The following ADGRV1 variants were observed in gnomAD, a reference collection of about 807,000 sequenced individuals.
The protein encoded by ADGRV1 is G-protein coupled receptor 98.
ADGRV1 carries 359 observed loss-of-function variants against 596.2 expected under a neutral mutation model. The ratio of observed to expected loss-of-function variants is 0.60; its 90% CI spans 0.55 to 0.66. The LOEUF (loss-of-function observed/expected upper bound fraction) is 0.66, where lower values mean the gene tolerates loss of function less well. Ranked by LOEUF, ADGRV1 falls within the 30% of genes least tolerant of loss-of-function variation. ADGRV1 has a pLI of 0.00. For synonymous variants in ADGRV1, 2,681 were observed against 2,679.2 expected, an observed-to-expected ratio of 1.00 and a Z score of -0.02; for missense variants, 7,274 against 7,575.6, an observed-to-expected ratio of 0.96 and a Z score of 1.48.
intron 76 of ADGRV1, among the ~76,000 whole-genome samples, chr5:90,827,470 G>C (rs940176058): frequency 2.6e-5 from 4 of 152,054 alleles, no homozygotes; most frequent in African/African-American, 4.8e-5. Context: ...TTTGTTTGTA[G>C]GTGGCTATAA....
chr5:90,605,898 TA>T (rs1438232819), intron 1 of ADGRV1, among the ~76,000 whole-genome samples: 1 of 152,086 alleles, frequency 6.6e-6, no homozygotes, highest in Non-Finnish European at 1.5e-5. Flanking sequence ...GTACAAAAAT[TA>T]CTTGCACTTT....
chr5:90,799,351 C>T (rs932381356), intron 70 of ADGRV1, among the ~76,000 whole-genome samples: 33 of 152,106 alleles, frequency 2.2e-4, no homozygotes, highest in African/African-American at 8.0e-4. Flanking sequence ...AATAAAATAC[C>T]TAGGAATCAA....
intron 87 of ADGRV1, among the ~76,000 whole-genome samples, chr5:91,148,799 A>AG (rs111644015): frequency 0.025 from 3,803 of 152,222 alleles, 136 homozygotes; most frequent in African/African-American, 0.078. Context: ...AGCAGCTGGG[A>AG]GGGGGTCTGT....
intron 85 of ADGRV1, among the ~76,000 whole-genome samples, chr5:91,041,900 G>A (rs1002198689): frequency 6.6e-6 from 1 of 152,112 alleles, no homozygotes; most frequent in Non-Finnish European, 1.5e-5. Context: ...TGCATATTAT[G>A]TTAGTTTTTC....
chr5:90,895,449 C>T (rs1581443338), intron 83 of ADGRV1, among the ~76,000 whole-genome samples: 1 of 152,106 alleles, frequency 6.6e-6, no homozygotes, highest in African/African-American at 2.4e-5. Flanking sequence ...ACAGAGAAAA[C>T]AACAGGTGCA....
Position 90,805,471 on chromosome 5 carries a change from T to TA in ADGRV1, c.14836+13_14836+14insA. The TA allele has an allele frequency of 4.5e-6, 7 of 1,565,590 alleles. No homozygotes were observed. The highest frequency in any genetic ancestry group is 6.1e-6 in the Non-Finnish European group (7 of 1,146,630). ...ACCCCAACACTGGGTGAGTTGTAGTTTTTCTAAGATGAGTCCTGTAGAATA... is the reference window on the plus strand; with the variant it reads ...ACCCCAACACTGGGTGAGTTGTAGTTATTTCTAAGATGAGTCCTGTAGAATA... On this transcript the variant is annotated intron_variant, in intron 72 of 89. Coordinates refer to ENST00000405460, the MANE Select transcript of ADGRV1 (RefSeq NM_032119.4).
At chr5:90,910,744 A>C (rs1392902685) in intron 83 of ADGRV1, among the ~76,000 whole-genome samples, 1 of 152,094 alleles carries the variant, frequency 6.6e-6, no homozygotes, top group Non-Finnish European at 1.5e-5. Flanking sequence ...TAGAGAATAC[A>C]GGTACTCCCA....
At chr5:90,616,171 A>G (rs1468677149) in intron 2 of ADGRV1, among the ~76,000 whole-genome samples, 1 of 152,032 alleles carries the variant, frequency 6.6e-6, no homozygotes, top group Non-Finnish European at 1.5e-5. Context: ...ATTGTTATGT[A>G]TGAGAACTAG....
chr5:90,742,384 C>A (rs1019008906), intron 50 of ADGRV1, among the ~76,000 whole-genome samples: 2 of 151,970 alleles, frequency 1.3e-5, no homozygotes, highest in African/African-American at 4.8e-5. Context: ...CAGCTCTAGG[C>A]AAAGAGAGGT....
chr5:90,771,904 C>A (rs761064886), intron 59 of ADGRV1, among the ~76,000 whole-genome samples: 1 of 152,052 alleles, frequency 6.6e-6, no homozygotes, highest in South Asian at 2.1e-4. Context: ...CTCTAATATT[C>A]GGAATTTATT....
chr5:90,645,096 A>G (rs1022073242), intron 15 of ADGRV1, among the ~76,000 whole-genome samples: 1 of 152,198 alleles, frequency 6.6e-6, no homozygotes, highest in Non-Finnish European at 1.5e-5. Flanking sequence ...CTGCTCATGT[A>G]TCCAGTATCA....
intron 85 of ADGRV1, among the ~76,000 whole-genome samples, chr5:91,064,822 G>A (rs1290863044): frequency 6.6e-6 from 1 of 152,080 alleles, no homozygotes; most frequent in African/African-American, 2.4e-5. Context: ...AAAAATTAAT[G>A]TGCTTAAAGT....
chr5:90,757,105 G>A lies in ADGRV1; in HGVS notation c.11884G>A (p.Ala3962Thr). The A allele has an allele frequency of 6.2e-7, 1 of 1,613,928 alleles. No homozygotes were observed. The highest frequency in any genetic ancestry group is 8.5e-7 in the Non-Finnish European group (1 of 1,179,822). Residue 3962 changes from alanine to threonine, a missense_variant, in exon 57 of 90, where the codon GCT becomes ACT. Coordinates refer to ENST00000405460, the MANE Select transcript of ADGRV1 (RefSeq NM_032119.4). ...NVYWKASPDS[A>T]GLEDFKPSHG... is the part of the protein sequence containing the mutation. ...TTATTGGAAAGCATCACCAGACAGT[G>A]CTGGCCTGGAAGACTTTAAACCATC...
rs187220537 is a variant in ADGRV1, at chr5:90,996,368, C to T, written c.18152+10846C>T. ...GGGCCGCAGATATGTCTCAGGCCAC[C>T]GCTCCAGGGGGTGCAAGCCATAAGA... is the stretch of plus-strand genomic sequence containing the variant. On this transcript the variant is annotated intron_variant, in intron 85 of 89. Coordinates refer to ENST00000405460, the MANE Select transcript of ADGRV1 (RefSeq NM_032119.4). Among the ~76,000 whole-genome samples, 15 of 152,290 alleles carry T rather than the reference C, an allele frequency of 9.8e-5. 1 individual carries two copies. The highest frequency in any genetic ancestry group is 6.5e-4 in the Admixed American group (10 of 15,304).
chr5:91,020,666 A>G (rs552634600), intron 85 of ADGRV1, among the ~76,000 whole-genome samples: 52 of 152,160 alleles, frequency 3.4e-4, no homozygotes, highest in Admixed American at 1.3e-3. Context: ...GCCATTGTTC[A>G]CATCCATCAA....
At chr5:90,968,944 ATTG>A (rs1382867936) in intron 84 of ADGRV1, among the ~76,000 whole-genome samples, 1 of 152,194 alleles carries the variant, frequency 6.6e-6, no homozygotes, top group Non-Finnish European at 1.5e-5. Context: ...GCATGTCAGA[ATTG>A]TTAACGTTTA....
At chr5:90,560,958 C>A (rs933758918) in intron 1 of ADGRV1, among the ~76,000 whole-genome samples, 2 of 151,954 alleles carry the variant, frequency 1.3e-5, no homozygotes, top group Non-Finnish European at 2.9e-5. Context: ...ATGCTTACAC[C>A]CAAGGGAAAA....
chr5:90,595,563 G>T, intron 1 of ADGRV1, among the ~76,000 whole-genome samples: 1 of 134,630 alleles, frequency 7.4e-6, no homozygotes, highest in South Asian at 2.4e-4. Context: ...CGGGCGGGGG[G>T]CTGACCCCCC....
At chr5:90,632,467 CTAA>C (rs1765626341) in intron 9 of ADGRV1, among the ~76,000 whole-genome samples, 1 of 152,078 alleles carries the variant, frequency 6.6e-6, no homozygotes, top group South Asian at 2.1e-4. Flanking sequence ...AAAAACTGTG[CTAA>C]TATATAAAAA....
Sources: allele counts gnomAD v4.1 joint callset (sites outside exome capture counted in the v4.1 genomes callset), GRCh38; gene constraint gnomAD v4.1.1; transcripts MANE v1.5; gene names NCBI Gene and HGNC (gene_info 2026-07-23, HGNC 2026-07-21).